FRMPD4: variants seen among roughly 807,000 people sequenced by gnomAD.
FRMPD4 encodes FERM and PDZ domain containing 4.
A neutral mutation model predicts 94.1 loss-of-function variants in FRMPD4; 22 were observed. The observed-to-expected ratio is 0.23, with a 90% CI of 0.17 to 0.33. The LOEUF is 0.33. Among genes scored for constraint, FRMPD4 ranks in the 10% least tolerant of loss-of-function variants. FRMPD4 has a pLI of 1.00. For missense variants in FRMPD4, 1,111 were observed against 1,339.9 expected, an observed-to-expected ratio of 0.83 and a Z score of 2.67; for synonymous variants, 631 against 548.6, an observed-to-expected ratio of 1.15 and a Z score of -2.10.
intron 2 of FRMPD4, among the ~76,000 whole-genome samples, chrX:11,866,696 A>T (rs2053721301): frequency 1.8e-5 from 2 of 112,298 alleles, no homozygotes; most frequent in South Asian, 7.3e-4. Context: ...ACATGCATTA[A>T]GTTTAGTAAA....
chrX:12,638,204 A>C (rs1391362502), intron 4 of FRMPD4, among the ~76,000 whole-genome samples: 1 of 112,575 alleles, frequency 8.9e-6, no homozygotes, highest in African/African-American at 3.2e-5. Context: ...CAAGTGAGAA[A>C]AAGGTGAGTA....
chrX:12,238,567 C>T (rs769941068), intron 1 of FRMPD4, among the ~76,000 whole-genome samples: 126 of 112,366 alleles, frequency 1.1e-3, no homozygotes, highest in Admixed American at 2.8e-3. Flanking sequence ...TATTATCTGT[C>T]ATAATGTATA....
chrX:12,085,257 A>G (rs970033449), intron 3 of FRMPD4, among the ~76,000 whole-genome samples: 4 of 112,571 alleles, frequency 3.6e-5, no homozygotes, highest in Non-Finnish European at 7.5e-5. Context: ...GTAAAATTAA[A>G]ATATAATTTA....
intron 3 of FRMPD4, among the ~76,000 whole-genome samples, chrX:12,108,423 G>A (rs1445097875): frequency 8.9e-6 from 1 of 112,084 alleles, no homozygotes; most frequent in Non-Finnish European, 1.9e-5. Flanking sequence ...CCTGAAGGAA[G>A]TACTAAACAT....
At chrX:11,841,408 G>A (rs2053535698) in intron 1 of FRMPD4, among the ~76,000 whole-genome samples, 1 of 108,797 alleles carries the variant, frequency 9.2e-6, no homozygotes, top group Admixed American at 9.9e-5. Context: ...TCCAGCACCT[G>A]TTGTTTCCTG....
At chrX:12,549,974 G>A (rs1569330588) in intron 2 of FRMPD4, among the ~76,000 whole-genome samples, 1 of 111,834 alleles carries the variant, frequency 8.9e-6, no homozygotes, top group Non-Finnish European at 1.9e-5. Flanking sequence ...TTTTCTAGAT[G>A]TAGTCAATTG....
At chrX:11,902,599 C>T (rs990947945) in intron 3 of FRMPD4, among the ~76,000 whole-genome samples, 19 of 111,578 alleles carry the variant, frequency 1.7e-4, no homozygotes, top group South Asian at 1.2e-3. Context: ...AATTCTATCA[C>T]ATTGGGGGTT....
chrX:12,523,886 A>T (rs1327210222), intron 2 of FRMPD4, among the ~76,000 whole-genome samples: 1 of 110,994 alleles, frequency 9.0e-6, no homozygotes, highest in African/African-American at 3.3e-5. Context: ...TGAGCATGGT[A>T]GCTCATGCCT....
intron 3 of FRMPD4, among the ~76,000 whole-genome samples, chrX:12,018,848 G>A (rs2054618114): frequency 8.9e-6 from 1 of 111,899 alleles, no homozygotes; most frequent in Non-Finnish European, 1.9e-5. Flanking sequence ...CCACAGGTTA[G>A]GACTTCAACA....
chrX:12,025,052 T>G (rs2054651907), intron 3 of FRMPD4, among the ~76,000 whole-genome samples: 2 of 111,569 alleles, frequency 1.8e-5, no homozygotes, highest in Admixed American at 9.5e-5. Flanking sequence ...TTGTACAATT[T>G]TTTTTTCTCT....
intron 1 of FRMPD4, among the ~76,000 whole-genome samples, chrX:11,831,377 G>A (rs2053474001): frequency 1.8e-5 from 2 of 111,334 alleles, no homozygotes; most frequent in African/African-American, 6.5e-5. Context: ...TCGTGGAAAG[G>A]TAAGAATGCA....
intron 1 of FRMPD4, among the ~76,000 whole-genome samples, chrX:12,432,218 A>T (rs1015173690): frequency 6.3e-5 from 7 of 111,887 alleles, no homozygotes; most frequent in Non-Finnish European, 1.1e-4. Flanking sequence ...CACTGTAAAA[A>T]CTAGAAGCCC....
chrX:11,978,277 G>A (rs189534737), intron 3 of FRMPD4, among the ~76,000 whole-genome samples: 72 of 87,547 alleles, frequency 8.2e-4, no homozygotes, highest in Non-Finnish European at 2.8e-4. Flanking sequence ...AGCCAGGATT[G>A]TGCCACTGTA....
At chrX:12,106,098 G>C (rs1405702680) in intron 3 of FRMPD4, among the ~76,000 whole-genome samples, 1 of 111,505 alleles carries the variant, frequency 9.0e-6, no homozygotes, top group Non-Finnish European at 1.9e-5. Context: ...GAGGACCTGC[G>C]ATAACAGATC....
At chrX:11,882,553 C>A (rs1445765593) in intron 3 of FRMPD4, among the ~76,000 whole-genome samples, 1 of 111,556 alleles carries the variant, frequency 9.0e-6, no homozygotes, top group East Asian at 2.8e-4. Flanking sequence ...TGACAGGTCG[C>A]AGTAAAAACA....
intron 1 of FRMPD4, among the ~76,000 whole-genome samples, chrX:12,217,712 A>G (rs944181727): frequency 1.8e-5 from 2 of 112,020 alleles, no homozygotes; most frequent in Non-Finnish European, 3.8e-5. Flanking sequence ...GTTTTTGTAA[A>G]TAAAGTTTTA....
chrX:12,537,455 C>CT (rs1376018517), intron 2 of FRMPD4, among the ~76,000 whole-genome samples: 1,804 of 98,592 alleles, frequency 0.018, 45 homozygotes, highest in African/African-American at 0.066. Flanking sequence ...TTTTTTTTTC[C>CT]TTTTTTTTTT....
intron 3 of FRMPD4, among the ~76,000 whole-genome samples, chrX:12,006,580 A>G (rs779654606): frequency 6.2e-5 from 7 of 112,032 alleles, no homozygotes; most frequent in Non-Finnish European, 1.1e-4. Context: ...TCAAAAATTC[A>G]TAATCACCTG....
In FRMPD4 at chrX:12,683,532, C is replaced by T. The variant is rs1158749812; in HGVS notation, c.518C>T (p.Ser173Phe). 10 of 1,189,912 alleles carry T rather than the reference C, an allele frequency of 8.4e-6. No homozygotes were observed. Among genetic ancestry groups the T allele is most frequent in the Admixed American group, 4.4e-5 (2 of 45,522 alleles). ...ISAAKKARLK[S>F]NPVKVRFSEE... is the part of the protein sequence containing the mutation. ...GCTGCAAAAAAGGCAAGATTAAAGTCCAATCCTGTCAAAGTACGCTTCTCT... is the reference window on the plus strand; with the variant it reads ...GCTGCAAAAAAGGCAAGATTAAAGTTCAATCCTGTCAAAGTACGCTTCTCT... Residue 173 changes from serine (S) to phenylalanine (F), a missense_variant, in exon 6 of 17, where the codon TCC becomes TTC. Physicochemically the swap from Ser to Phe is radical, Grantham distance 155 (BLOSUM62 -2). Transcript: ENST00000675598.
Sources: gnomAD v4.1 joint callset for allele counts (sites outside exome capture counted in the v4.1 genomes callset) on GRCh38, gnomAD v4.1.1 for gene constraint, MANE v1.5 for transcripts, NCBI Gene and HGNC (gene_info 2026-07-23, HGNC 2026-07-21) for gene names.